Variants in ZMIZ1 observed in about 807,000 individuals in gnomAD.
ZMIZ1 encodes the protein zinc finger MIZ domain-containing protein 1.
A neutral mutation model predicts 113.9 loss-of-function variants in ZMIZ1; 17 were observed. That is an observed-to-expected ratio of 0.15 (90% CI 0.10 to 0.22). The LOEUF (loss-of-function observed/expected upper bound fraction) is 0.22, where lower values mean the gene tolerates loss of function less well. Ranked by LOEUF, ZMIZ1 falls within the 10% of genes least tolerant of loss-of-function variation. The pLI, the probability that ZMIZ1 is intolerant of heterozygous loss-of-function variation, is 1.00. For missense variants in ZMIZ1, 1,059 were observed against 1,477.8 expected, an observed-to-expected ratio of 0.72 and a Z score of 4.65; for synonymous variants, 607 against 603.1, an observed-to-expected ratio of 1.01 and a Z score of -0.09.
At chr10:79,131,555 G>A (rs540048064) in intron 2 of ZMIZ1, among the ~76,000 whole-genome samples, 1 of 152,294 alleles carries the variant, frequency 6.6e-6, no homozygotes, top group East Asian at 1.9e-4. Context: ...CAGCACAAAT[G>A]CCATTGATTT....
intron 4 of ZMIZ1, among the ~76,000 whole-genome samples, chr10:79,192,842 G>T (rs1349955064): frequency 6.6e-6 from 1 of 152,182 alleles, no homozygotes; most frequent in African/African-American, 2.4e-5. Context: ...AATGACTCAC[G>T]CTGGCCCGAG....
chr10:79,245,969 A>G (rs942103902), intron 7 of ZMIZ1, among the ~76,000 whole-genome samples: 3 of 152,354 alleles, frequency 2.0e-5, no homozygotes, highest in African/African-American at 7.2e-5. Flanking sequence ...GGATAGACTT[A>G]AGACAGAGGT....
chr10:79,113,218 G>A (rs1199132903), intron 1 of ZMIZ1, among the ~76,000 whole-genome samples: 2 of 152,220 alleles, frequency 1.3e-5, no homozygotes, highest in South Asian at 2.1e-4. Context: ...CTCTGGTGCC[G>A]AGGTCCTTGG....
At chr10:79,295,355 A>G (rs1239954685) in intron 12 of ZMIZ1, 1 of 152,210 alleles carries the variant, frequency 6.6e-6, no homozygotes, top group Non-Finnish European at 1.5e-5. Context: ...CATCCTTTTC[A>G]TAGAGTGCTG....
At chr10:79,123,901 C>T (rs7918117) in intron 2 of ZMIZ1, among the ~76,000 whole-genome samples, 1,646 of 152,330 alleles carry the variant, frequency 0.011, 25 homozygotes, top group African/African-American at 0.031. Context: ...TTCCAGGGTC[C>T]GCATATGGCA....
Position 79,262,479 on chromosome 10 carries a change from A to G in ZMIZ1, c.281-14702A>G, listed in dbSNP as rs2131908370. ...CACCCCAAGTGTGTTACACTGAGTA[A>G]CAGGTGCAGCCAGGAAGCACCAGAT... On this transcript the variant is annotated intron_variant, in intron 7 of 24. Coordinates refer to ENST00000334512, the MANE Select transcript of ZMIZ1 (RefSeq NM_020338.4). Among the ~76,000 whole-genome samples the G allele has an allele frequency of 2.0e-5, 3 of 152,390 alleles. No individual in the cohort carries two copies. In the Middle Eastern group the frequency reaches 0.01, roughly 518 times the overall value.
At chr10:79,101,795 C>A (rs895979818) in intron 1 of ZMIZ1, among the ~76,000 whole-genome samples, 1 of 152,182 alleles carries the variant, frequency 6.6e-6, no homozygotes, top group African/African-American at 2.4e-5. Flanking sequence ...GGAGCTGTTT[C>A]TCACACTGTC....
At chr10:79,106,152 T>G (rs1843548317) in intron 1 of ZMIZ1, among the ~76,000 whole-genome samples, 2 of 152,192 alleles carry the variant, frequency 1.3e-5, no homozygotes, top group Admixed American at 1.3e-4. Context: ...CCCCAGGCCC[T>G]CTGTGCCTCT....
At chr10:79,072,351 G>A (rs1214913847) in intron 1 of ZMIZ1, among the ~76,000 whole-genome samples, 1 of 152,174 alleles carries the variant, frequency 6.6e-6, no homozygotes, top group East Asian at 1.9e-4. Flanking sequence ...CTCCAACATA[G>A]GACAGGTGTC....
At chr10:79,131,593 A>G (rs1844772977) in intron 2 of ZMIZ1, among the ~76,000 whole-genome samples, 2 of 152,190 alleles carry the variant, frequency 1.3e-5, no homozygotes, top group Admixed American at 1.3e-4. Context: ...CAGTTGATGA[A>G]TAGCACCAGG....
chr10:79,103,769 C>T (rs1843452900), intron 1 of ZMIZ1, among the ~76,000 whole-genome samples: 1 of 152,082 alleles, frequency 6.6e-6, no homozygotes. Context: ...GAGTGCTTCC[C>T]TGGGGGCCTG....
chr10:79,296,692 C>T lies in ZMIZ1; in HGVS notation c.1413+39C>T. ...TCGCCACCACCCACGGGGCCCCTTC[C>T]CTCCTAACCACCTCACTCCCCTAAC... On this transcript the variant is annotated intron_variant, in intron 13 of 24. Transcript: ENST00000334512. The surrounding 1 kb of genome is among the most constrained non-coding windows in gnomAD (Gnocchi z 4.1). The T allele has an allele frequency of 6.6e-7, 1 of 1,511,354 alleles. No homozygotes were observed. Among genetic ancestry groups the T allele is most frequent in the Non-Finnish European group, 8.9e-7 (1 of 1,127,858 alleles). 93.6% of individuals were successfully genotyped at this position (1,511,354 alleles called of 1,614,324 possible). A position where few individuals can be genotyped will look rare whatever the true frequency, so the allele number is the denominator to read the frequency against.
At chr10:79,212,087 T>C (rs867124126) in intron 6 of ZMIZ1, among the ~76,000 whole-genome samples, 1 of 152,154 alleles carries the variant, frequency 6.6e-6, no homozygotes, top group Non-Finnish European at 1.5e-5. Context: ...GACAACTCAG[T>C]TGCTTTGTGG....
At position 79,208,422 on chromosome 10, in the gene ZMIZ1, C is replaced by T. The variant is rs757811907; in HGVS notation, c.147C>T (p.Phe49=). Residue 49 remains phenylalanine, a synonymous_variant, in exon 6 of 25, where the codon TTC becomes TTT. Coordinates refer to ENST00000334512, the MANE Select transcript of ZMIZ1 (RefSeq NM_020338.4). Reference sequence around the variant, plus strand: ...ACCCACGGGCCTTCCAGCGGCCCTTCGAGCAGAGCCTGATGGGCTGTTTGA... The same window carrying T: ...ACCCACGGGCCTTCCAGCGGCCCTTTGAGCAGAGCCTGATGGGCTGTTTGA... The part of the protein sequence containing the change: ...CGDPRAFQRP[F]EQSLMGCLTV... 20 of 1,613,950 alleles carry T rather than the reference C, an allele frequency of 1.2e-5. No homozygotes were observed. In the Middle Eastern group the frequency reaches 6.6e-4, roughly 53 times the overall value.
chr10:79,298,187 T>C (rs577847158), intron 14 of ZMIZ1, among the ~76,000 whole-genome samples: 1 of 152,150 alleles, frequency 6.6e-6, no homozygotes, highest in Non-Finnish European at 1.5e-5. Context: ...ACACAGGAGC[T>C]CAGTGGTGAG....
At chr10:79,265,535 A>T (rs1457104220) in intron 7 of ZMIZ1, among the ~76,000 whole-genome samples, 1 of 146,900 alleles carries the variant, frequency 6.8e-6, no homozygotes, top group Non-Finnish European at 1.5e-5. Context: ...GGAGCAGAAC[A>T]TGGGAATGAT....
chr10:79,175,502 C>T (rs917447492), intron 4 of ZMIZ1, among the ~76,000 whole-genome samples: 1 of 152,084 alleles, frequency 6.6e-6, no homozygotes, highest in African/African-American at 2.4e-5. Context: ...TGCAGGAGGC[C>T]TCCTCTCTAT....
rs115048957 is a variant in ZMIZ1, at chr10:79,153,252, T to A, written c.-130-8801T>A. On this transcript the variant is annotated intron_variant, in intron 3 of 24. Coordinates refer to ENST00000334512, the MANE Select transcript of ZMIZ1 (RefSeq NM_020338.4). The stretch of plus-strand genomic sequence containing the variant: ...AGGGCTGGCAGTAGACAGAACAGAA[T>A]AAGGACCCTCCTCCTTGTAGTCCAT... Among the ~76,000 whole-genome samples the A allele has an allele frequency of 3.2e-3, 493 of 152,318 alleles. 4 individuals carry two copies. The highest frequency in any genetic ancestry group is 0.011 in the African/African-American group (458 of 41,570).
In ZMIZ1 at chr10:79,162,114, G is replaced by A; in HGVS notation, c.-69G>A. On this transcript the variant is annotated 5_prime_UTR_variant, in exon 4 of 25. In the 5' UTR this introduces an upstream ATG that the reference lacks. Coordinates refer to ENST00000334512, the MANE Select transcript of ZMIZ1 (RefSeq NM_020338.4). ...CTGCTGACCGGCGTGTGGAACACTGGTGGTTTGCAGATCACTGAGGTAGGT... is the reference window on the plus strand; with the variant it reads ...CTGCTGACCGGCGTGTGGAACACTGATGGTTTGCAGATCACTGAGGTAGGT... The A allele has an allele frequency of 2.5e-6, 1 of 399,492 alleles. No homozygotes were observed. The highest frequency in any genetic ancestry group is 3.6e-5 in the East Asian group (1 of 28,142). 24.7% of individuals were successfully genotyped at this position (399,492 alleles called of 1,614,324 possible). A position where few individuals can be genotyped will look rare whatever the true frequency, so the allele number is the denominator to read the frequency against.
Sources: allele counts gnomAD v4.1 joint callset (sites outside exome capture counted in the v4.1 genomes callset), GRCh38; gene constraint gnomAD v4.1.1; non-coding constraint Gnocchi (gnomAD v3.1); transcripts MANE v1.5; gene names NCBI Gene and HGNC (gene_info 2026-07-23, HGNC 2026-07-21).